Variants in CAST observed in about 807,000 individuals in gnomAD.
CAST encodes MIR583 host.
A neutral mutation model predicts 119.6 loss-of-function variants in CAST; 76 were observed. The observed-to-expected ratio is 0.64, with a 90% confidence interval of 0.53 to 0.77. The LOEUF is 0.77. Ranked by LOEUF, CAST falls within the 30% of genes least tolerant of loss-of-function variation. CAST has a pLI of 0.00. For synonymous variants in CAST, 319 were observed against 331.6 expected (o/e 0.96, Z 0.41); for missense variants, 953 against 946.5 (o/e 1.01, Z -0.09).
At chr5:96,087,993 A>C in the CAST span, among the ~76,000 whole-genome samples, 2 of 152,226 alleles carry the variant, frequency 1.3e-5, no homozygotes, top group Non-Finnish European at 2.9e-5. Flanking sequence ...ACAACTCCCA[A>C]CAATGCCTCC....
At chr5:96,233,012 G>T in the CAST span, among the ~76,000 whole-genome samples, 17 of 152,058 alleles carry the variant, frequency 1.1e-4, no homozygotes, top group South Asian at 3.3e-3. Flanking sequence ...AGTAAAAAAG[G>T]GGAAACAACC....
the CAST span, among the ~76,000 whole-genome samples, chr5:96,194,610 A>G: frequency 1.3e-5 from 2 of 152,256 alleles, no homozygotes; most frequent in Non-Finnish European, 2.9e-5. Flanking sequence ...CTAGCAAACT[A>G]TCTTTTATCC....
chr5:96,662,492 C>A lies in CAST; in HGVS notation c.70C>A (p.His24Asn). ...PRRAAAARRT[H>N]EHVSEKTSES... ...GCGAGCAGCCGCCGCCCGCCGCACC[C>A]ATGAGGTGAGTGGCGCTCCTGTCGG... is the stretch of plus-strand genomic sequence containing the variant. Residue 24 changes from histidine (H) to asparagine (N), a missense_variant, in exon 1 of 32, where the codon CAT becomes AAT. By Grantham distance (68) the His-to-Asn change is moderately conservative. Coordinates refer to ENST00000675179, the MANE Select transcript of CAST (RefSeq NM_001750.7). The A allele has an allele frequency of 7.0e-7, 1 of 1,423,396 alleles. No homozygotes were observed. The highest frequency in any genetic ancestry group is 1.5e-5 in the African/African-American group (1 of 66,820). The allele number at this position is 1,423,396 out of a possible 1,614,324, so 88.2% of individuals were successfully genotyped here.
intron 1 of CAST, among the ~76,000 whole-genome samples, chr5:96,589,736 C>A (rs1246937762): frequency 6.6e-6 from 1 of 152,184 alleles, no homozygotes; most frequent in East Asian, 1.9e-4. Flanking sequence ...TAATTTTTAA[C>A]ATAATTATGC....
At position 96,581,893 on chromosome 5, in the gene CAST, A is replaced by AAAT. The variant is rs1746776676; in HGVS notation, c.60+52015_60+52016insTAA. On this transcript the variant is annotated intron_variant, in intron 1 of 11. Coordinates refer to the CAST transcript ENST00000505143. ...GCGACAGAGCGAAACTCTGTCTCAA[A>AAAT]AAATAAATAAATAAATAAATAAATA... Among the ~76,000 whole-genome samples, 7 of 149,210 alleles carry AAAT rather than the reference A, an allele frequency of 4.7e-5. No homozygotes were observed. In the South Asian group the frequency reaches 1.1e-3, roughly 23 times the overall value.
chr5:96,218,996 C>T, the CAST span, among the ~76,000 whole-genome samples: 3 of 152,040 alleles, frequency 2.0e-5, no homozygotes, highest in Non-Finnish European at 1.5e-5. Flanking sequence ...ATTAGGTGTT[C>T]CTATCTTAGG....
chr5:96,699,485 G>A (rs1167765231), intron 3 of CAST, among the ~76,000 whole-genome samples: 1 of 152,238 alleles, frequency 6.6e-6, no homozygotes, highest in Non-Finnish European at 1.5e-5. Context: ...GTAACACTAT[G>A]AGGCTTTCTC....
At chr5:96,624,345 A>T (rs914697203) in intron 1 of CAST, among the ~76,000 whole-genome samples, 1 of 152,226 alleles carries the variant, frequency 6.6e-6, no homozygotes, top group Admixed American at 6.5e-5. Context: ...AGTCTGGGAA[A>T]ATACGGTGAA....
At chr5:96,236,267 A>G in the CAST span, among the ~76,000 whole-genome samples, 1 of 152,208 alleles carries the variant, frequency 6.6e-6, no homozygotes, top group African/African-American at 2.4e-5. Context: ...TTTAAAACTC[A>G]TAATTCAGTG....
the CAST span, among the ~76,000 whole-genome samples, chr5:96,079,664 T>A: frequency 2.9e-4 from 44 of 152,324 alleles, no homozygotes; most frequent in Admixed American, 2.4e-3. Context: ...AATTACTTGC[T>A]AGCACCCTTC....
At chr5:96,467,456 G>A in the CAST span, among the ~76,000 whole-genome samples, 1 of 151,948 alleles carries the variant, frequency 6.6e-6, no homozygotes, top group African/African-American at 2.4e-5. Flanking sequence ...TCTTTGTATG[G>A]TTTTAGTTTT....
At chr5:96,628,801 G>T (rs555654695) in intron 1 of CAST, among the ~76,000 whole-genome samples, 3 of 151,988 alleles carry the variant, frequency 2.0e-5, no homozygotes, top group East Asian at 1.9e-4. Flanking sequence ...TTCCCTGCAC[G>T]ATTAGCACAT....
the CAST span, among the ~76,000 whole-genome samples, chr5:96,151,873 G>T: frequency 6.6e-6 from 1 of 152,182 alleles, no homozygotes; most frequent in Non-Finnish European, 1.5e-5. Flanking sequence ...ATGTCTAAAG[G>T]CTATAAAGAG....
intron 1 of CAST, among the ~76,000 whole-genome samples, chr5:96,670,974 TATTG>T (rs1424905440): frequency 5.9e-5 from 9 of 152,344 alleles, no homozygotes; most frequent in African/African-American, 2.2e-4. Context: ...ACTTAGCTCT[TATTG>T]ATTTTTTTCA....
At chr5:96,114,562 T>G in the CAST span, among the ~76,000 whole-genome samples, 1 of 152,216 alleles carries the variant, frequency 6.6e-6, no homozygotes, top group African/African-American at 2.4e-5. Flanking sequence ...CTTGAAAATC[T>G]GTATTTCTAA....
chr5:96,088,931 G>A, the CAST span, among the ~76,000 whole-genome samples: 1 of 152,124 alleles, frequency 6.6e-6, no homozygotes, highest in Non-Finnish European at 1.5e-5. Context: ...GTGCTCTGGT[G>A]GATTGAGGTG....
chr5:96,427,180 CA>C, the CAST span, among the ~76,000 whole-genome samples: 1 of 151,992 alleles, frequency 6.6e-6, no homozygotes, highest in Non-Finnish European at 1.5e-5. Context: ...TATCCTCCAT[CA>C]AAAAAGAGCA....
chr5:96,591,139 CAG>C (rs1035334615), intron 1 of CAST, among the ~76,000 whole-genome samples: 9 of 152,188 alleles, frequency 5.9e-5, no homozygotes, highest in African/African-American at 2.2e-4. Context: ...CCATAGTTCT[CAG>C]AGAACAGCAA....
At chr5:96,230,714 A>G in the CAST span, among the ~76,000 whole-genome samples, 5 of 152,180 alleles carry the variant, frequency 3.3e-5, no homozygotes, top group African/African-American at 1.2e-4. Context: ...AAGAAGGTCT[A>G]TAGACTGGGA....
Sources: gnomAD v4.1 joint callset for allele counts (sites outside exome capture counted in the v4.1 genomes callset) on GRCh38, gnomAD v4.1.1 for gene constraint, MANE v1.5 for transcripts, NCBI Gene and HGNC (gene_info 2026-07-23, HGNC 2026-07-21) for gene names.